Variants in SCRG1 observed in about 807,000 individuals in gnomAD.
SCRG1 encodes the protein scrapie-responsive protein 1.
A neutral mutation model predicts 7.7 loss-of-function variants in SCRG1; 3 were observed. The ratio of observed to expected loss-of-function variants is 0.39; its 90% CI spans 0.18 to 1.01. The LOEUF (loss-of-function observed/expected upper bound fraction) is 1.01. Among genes scored for constraint, SCRG1 ranks in the 50% least tolerant of loss-of-function variants. The pLI is 0.36. For synonymous variants in SCRG1, 46 were observed against 41.2 expected (o/e 1.12, Z -0.44); for missense variants, 110 against 117.2 (o/e 0.94, Z 0.28).
chr4:173,435,437 C>T, the SCRG1 span, among the ~76,000 whole-genome samples: 1 of 152,148 alleles, frequency 6.6e-6, no homozygotes, highest in Non-Finnish European at 1.5e-5. Context: ...GTCACCGGGG[C>T]TCCGAGGGGT....
At chr4:173,508,210 G>T in the SCRG1 span, among the ~76,000 whole-genome samples, 1 of 152,202 alleles carries the variant, frequency 6.6e-6, no homozygotes, top group South Asian at 2.1e-4. The surrounding 1 kb of genome is among the most constrained non-coding windows in gnomAD (Gnocchi z 4.4). Context: ...GAAGTCAAAA[G>T]ATAGATAGCG....
At chr4:173,429,018 A>G in the SCRG1 span, among the ~76,000 whole-genome samples, 1 of 152,214 alleles carries the variant, frequency 6.6e-6, no homozygotes, top group Non-Finnish European at 1.5e-5. Context: ...GACTAAATTG[A>G]TCAAATTGAA....
chr4:173,419,572 T>C, the SCRG1 span: 5 of 727,554 alleles, frequency 6.9e-6, no homozygotes, highest in African/African-American at 8.6e-5. Context: ...CTGCATTAAA[T>C]TCCTTGTTTT....
the SCRG1 span, among the ~76,000 whole-genome samples, chr4:173,466,530 A>G: frequency 6.6e-6 from 1 of 152,166 alleles, no homozygotes; most frequent in Non-Finnish European, 1.5e-5. Flanking sequence ...GTTAAGGGAG[A>G]CCAGGATTCC....
the SCRG1 span, among the ~76,000 whole-genome samples, chr4:173,483,829 A>ATT: frequency 4.3e-5 from 1 of 23,276 alleles, no homozygotes; most frequent in African/African-American, 1.1e-4. Context: ...TATAATATAT[A>ATT]TAATATATAA....
chr4:173,477,648 T>C, the SCRG1 span, among the ~76,000 whole-genome samples: 4 of 152,170 alleles, frequency 2.6e-5, no homozygotes, highest in African/African-American at 9.7e-5. Context: ...GCACAGGGTC[T>C]TGTTTTTGTT....
intron 1 of SCRG1, among the ~76,000 whole-genome samples, chr4:173,394,977 G>A (rs1739560212): frequency 6.6e-6 from 1 of 152,056 alleles, no homozygotes; most frequent in African/African-American, 2.4e-5. Context: ...AAGATGTATA[G>A]AGTATTTCCT....
At chr4:173,508,871 T>C in the SCRG1 span, among the ~76,000 whole-genome samples, 1 of 152,162 alleles carries the variant, frequency 6.6e-6, no homozygotes, top group Non-Finnish European at 1.5e-5. The surrounding 1 kb of genome is among the most constrained non-coding windows in gnomAD (Gnocchi z 4.4). Flanking sequence ...TAAGTGCCGC[T>C]ACATTTGTTG....
chr4:173,449,836 G>A, the SCRG1 span, among the ~76,000 whole-genome samples: 4 of 152,062 alleles, frequency 2.6e-5, no homozygotes, highest in African/African-American at 9.7e-5. Flanking sequence ...CCTCCTGCAC[G>A]CCCCTTCTCA....
chr4:173,506,009 T>G, the SCRG1 span, among the ~76,000 whole-genome samples: 1 of 152,210 alleles, frequency 6.6e-6, no homozygotes, highest in African/African-American at 2.4e-5. This position sits in a 1 kb window ranked among gnomAD's most constrained non-coding sequence, Gnocchi z 5.3. Flanking sequence ...CTTCTAAGCC[T>G]GTGTTGTCCC....
At chr4:173,467,165 AT>A in the SCRG1 span, among the ~76,000 whole-genome samples, 1 of 151,990 alleles carries the variant, frequency 6.6e-6, no homozygotes, top group African/African-American at 2.4e-5. Flanking sequence ...AAGAAAATAC[AT>A]TTTTCTTAAT....
the SCRG1 span, among the ~76,000 whole-genome samples, chr4:173,456,883 G>T: frequency 6.6e-6 from 1 of 152,200 alleles, no homozygotes; most frequent in Non-Finnish European, 1.5e-5. Context: ...GAGGAGATGA[G>T]AGGAGCAGGT....
chr4:173,404,466 T>C (rs779554120), intron 1 of SCRG1: 8 of 152,196 alleles, frequency 5.3e-5, no homozygotes, highest in Non-Finnish European at 1.2e-4. Flanking sequence ...TGCCAAAATA[T>C]CAGTCCTTGG....
At chr4:173,475,194 T>C in the SCRG1 span, among the ~76,000 whole-genome samples, 1 of 152,208 alleles carries the variant, frequency 6.6e-6, no homozygotes, top group Admixed American at 6.5e-5. Context: ...AGACAAGGCC[T>C]TGGGGAAGCA....
At chr4:173,501,006 C>T in the SCRG1 span, among the ~76,000 whole-genome samples, 1 of 152,196 alleles carries the variant, frequency 6.6e-6, no homozygotes, top group African/African-American at 2.4e-5. This position sits in a 1 kb window ranked among gnomAD's most constrained non-coding sequence, Gnocchi z 5.1. Flanking sequence ...TGGGGAAACC[C>T]AGAGGCGGGA....
chr4:173,462,971 A>G, the SCRG1 span, among the ~76,000 whole-genome samples: 22 of 152,180 alleles, frequency 1.4e-4, no homozygotes, highest in Non-Finnish European at 2.6e-4. Flanking sequence ...AAAAATTAAA[A>G]AGCAAGAAAC....
the SCRG1 span, among the ~76,000 whole-genome samples, chr4:173,482,366 A>G: frequency 1.3e-5 from 2 of 152,170 alleles, no homozygotes; most frequent in Admixed American, 6.6e-5. Flanking sequence ...AACATATGTC[A>G]TGTGTACTAG....
the SCRG1 span, among the ~76,000 whole-genome samples, chr4:173,452,665 C>T: frequency 6.6e-6 from 1 of 152,144 alleles, no homozygotes; most frequent in African/African-American, 2.4e-5. Context: ...CTCTTGCACA[C>T]ATGTATTTTT....
the SCRG1 span, among the ~76,000 whole-genome samples, chr4:173,428,789 A>G: frequency 1.3e-5 from 2 of 152,232 alleles, no homozygotes; most frequent in African/African-American, 4.8e-5. Context: ...GAGGCTAAAC[A>G]ATACCTTTTT....
Sources: allele counts gnomAD v4.1 joint callset (sites outside exome capture counted in the v4.1 genomes callset), GRCh38; gene constraint gnomAD v4.1.1; non-coding constraint Gnocchi (gnomAD v3.1); transcripts MANE v1.5; gene names NCBI Gene and HGNC (gene_info 2026-07-23, HGNC 2026-07-21).